NPAS3: variants seen among roughly 807,000 people sequenced by gnomAD.
NPAS3 encodes the protein neuronal PAS domain protein 3, also known as neuronal PAS domain-containing protein 3.
In NPAS3, 14 loss-of-function variants were observed where a neutral mutation model predicts 73.1. That is an observed-to-expected ratio of 0.19 (90% CI 0.13 to 0.30). The LOEUF is 0.30. Ranked by LOEUF, NPAS3 falls within the 10% of genes least tolerant of loss-of-function variation. The pLI is 1.00. For synonymous variants in NPAS3, 620 were observed against 541.5 expected (o/e 1.14, Z -2.01); for missense variants, 1,096 against 1,250.0 (o/e 0.88, Z 1.86).
intron 3 of NPAS3, among the ~76,000 whole-genome samples, chr14:33,342,949 G>A (rs891429028): frequency 2.0e-5 from 3 of 151,924 alleles, no homozygotes; most frequent in Non-Finnish European, 2.9e-5. Flanking sequence ...TGAGTGTCAC[G>A]AGGCATTGGC....
At chr14:33,552,312 T>C (rs1331270724) in intron 4 of NPAS3, among the ~76,000 whole-genome samples, 1 of 152,182 alleles carries the variant, frequency 6.6e-6, no homozygotes, top group Non-Finnish European at 1.5e-5. Context: ...AAGGATCCTT[T>C]GTTCTCAGCT....
rs1359036372 is a variant in NPAS3 at position 33,340,950 on chromosome 14, C to T, written c.386-26236C>T. Among the ~76,000 whole-genome samples the T allele has an allele frequency of 2.6e-5, 4 of 152,216 alleles. No individual in the cohort carries two copies. The East Asian group carries it at 5.8e-4, about 22-fold the overall frequency. On this transcript the variant is annotated intron_variant, in intron 3 of 11. Transcript: ENST00000356141. ...GTCACCTTATACTAAAACAAACAAA[C>T]ACAAAAAAGAACAAACAAATATACA...
intron 4 of NPAS3, among the ~76,000 whole-genome samples, chr14:33,444,426 G>A (rs1157540734): frequency 1.3e-5 from 2 of 152,194 alleles, no homozygotes; most frequent in Non-Finnish European, 2.9e-5. Flanking sequence ...AACTGTCTTC[G>A]AACATTTGAG....
intron 4 of NPAS3, among the ~76,000 whole-genome samples, chr14:33,433,205 T>C (rs1282145485): frequency 1.3e-5 from 2 of 152,082 alleles, no homozygotes; most frequent in African/African-American, 2.4e-5. Context: ...GTTATAGAAA[T>C]GGTATGTTTT....
intron 4 of NPAS3, among the ~76,000 whole-genome samples, chr14:33,477,177 T>C (rs1178420428): frequency 6.6e-6 from 1 of 152,154 alleles, no homozygotes; most frequent in African/African-American, 2.4e-5. Flanking sequence ...TAAAAATAGA[T>C]CCTATTTACC....
chr14:33,779,380 C>G (rs930362166), intron 9 of NPAS3, among the ~76,000 whole-genome samples: 1 of 152,196 alleles, frequency 6.6e-6, no homozygotes. Flanking sequence ...TGGCCCTCTT[C>G]TGACCAGAGG....
At chr14:33,714,871 T>C (rs193028706) in intron 6 of NPAS3, among the ~76,000 whole-genome samples, 5 of 152,312 alleles carry the variant, frequency 3.3e-5, no homozygotes, top group Admixed American at 3.3e-4. Context: ...CAATGACATC[T>C]CACTTCTGAT....
At chr14:33,304,202 C>T (rs1472584385) in intron 3 of NPAS3, among the ~76,000 whole-genome samples, 1 of 152,170 alleles carries the variant, frequency 6.6e-6, no homozygotes, top group Non-Finnish European at 1.5e-5. Flanking sequence ...TCTTGGAAAC[C>T]ATTCATAAGA....
At chr14:33,485,949 T>C (rs2051571385) in intron 4 of NPAS3, among the ~76,000 whole-genome samples, 1 of 151,968 alleles carries the variant, frequency 6.6e-6, no homozygotes, top group Non-Finnish European at 1.5e-5. Context: ...TATATGAATG[T>C]GAGTGGCCGC....
chr14:32,938,813 G>C (rs992710655), upstream of NPAS3, among the ~76,000 whole-genome samples: 2 of 146,874 alleles, frequency 1.4e-5, no homozygotes, highest in African/African-American at 4.9e-5. Flanking sequence ...GGCTGCCCGC[G>C]GGACCGCGCG....
chr14:33,625,538 T>C (rs558227142), intron 5 of NPAS3, among the ~76,000 whole-genome samples: 23 of 152,316 alleles, frequency 1.5e-4, no homozygotes, highest in African/African-American at 4.3e-4. Context: ...AACAACTATA[T>C]GCAGTAGAGG....
chr14:33,070,767 A>C (rs989317283), intron 2 of NPAS3, among the ~76,000 whole-genome samples: 1 of 152,242 alleles, frequency 6.6e-6, no homozygotes. Flanking sequence ...TCCAGTGAAC[A>C]AAATGCTGAC....
rs2036524736 is a variant in NPAS3 at position 32,952,552 on chromosome 14, A to G, written c.50+13186A>G. ...GATACATTAGTCAACACTTTGAAGT[A>G]CCTCCCCTGGAAACAATGTCTCATA... On this transcript the variant is annotated intron_variant, in intron 1 of 11. Coordinates refer to ENST00000356141, the Ensembl canonical transcript of NPAS3. Among the ~76,000 whole-genome samples the G allele has an allele frequency of 2.0e-5, 3 of 151,954 alleles. No individual in the cohort carries two copies. In the South Asian group the frequency reaches 6.2e-4, roughly 32 times the overall value.
At chr14:33,802,786 T>C (rs944545549), downstream of NPAS3, 1 of 152,406 alleles carries the variant, frequency 6.6e-6, no homozygotes, top group African/African-American at 2.4e-5. Flanking sequence ...TGTCACCCTA[T>C]GCTGCTTCTA....
chr14:33,147,631 C>T (rs1324985089), intron 2 of NPAS3, among the ~76,000 whole-genome samples: 6 of 150,666 alleles, frequency 4.0e-5, no homozygotes, highest in South Asian at 2.1e-4. Context: ...ATGTAAATGA[C>T]GAGTTAATGG....
chr14:33,690,022 C>T (rs1049795841), intron 6 of NPAS3, among the ~76,000 whole-genome samples: 1 of 152,140 alleles, frequency 6.6e-6, no homozygotes, highest in African/African-American at 2.4e-5. Flanking sequence ...ACGTGCTTGA[C>T]CGATATTTTC....
chr14:33,315,731 T>A (rs1232587883), intron 3 of NPAS3, among the ~76,000 whole-genome samples: 1 of 151,876 alleles, frequency 6.6e-6, no homozygotes. Context: ...TAGAGGAAGA[T>A]TCATCAGTGG....
chr14:33,790,115 C>G (rs1421772991), intron 9 of NPAS3, among the ~76,000 whole-genome samples: 1 of 152,180 alleles, frequency 6.6e-6, no homozygotes, highest in African/African-American at 2.4e-5. Context: ...TCCCTCTGTT[C>G]CTTTCCCTTT....
intron 4 of NPAS3, among the ~76,000 whole-genome samples, chr14:33,558,017 C>T (rs1340342977): frequency 6.6e-6 from 1 of 152,160 alleles, no homozygotes; most frequent in Non-Finnish European, 1.5e-5. Context: ...TCATATAGTA[C>T]TTGTGAAAAT....
Sources: gnomAD v4.1 joint callset for allele counts (sites outside exome capture counted in the v4.1 genomes callset) on GRCh38, gnomAD v4.1.1 for gene constraint, MANE v1.5 for transcripts, NCBI Gene and HGNC (gene_info 2026-07-23, HGNC 2026-07-21) for gene names.